The following NEB variants were observed in gnomAD, a reference collection of about 807,000 sequenced individuals.
NEB encodes the protein nemaline myopathy type 2.
Under a neutral mutation model 952.2 loss-of-function variants are expected in NEB, and 512 were observed. That is an observed-to-expected ratio of 0.54 (90% CI 0.50 to 0.58). The LOEUF is 0.58. Ranked by LOEUF, NEB falls within the 20% of genes least tolerant of loss-of-function variation. The probability of loss-of-function intolerance (pLI) is 0.00; values close to 1 mark genes in which losing one functional copy is unlikely to be tolerated. For synonymous variants in NEB, 2,900 were observed against 3,149.8 expected (o/e 0.92, Z 2.66); for missense variants, 8,428 against 9,231.1 (o/e 0.91, Z 3.56).
chr2:151,527,447 G>T, intron 147 of NEB, 34 bp downstream of exon 147: 1 of 1,405,900 alleles, frequency 7.1e-7, no homozygotes, highest in Non-Finnish European at 1.0e-6. Context: ...GGTGCAGTAT[G>T]CAGTTACAAT....
intron 48 of NEB, among the ~76,000 whole-genome samples, chr2:151,656,877 T>C (rs998938839): frequency 1.3e-5 from 2 of 152,060 alleles, no homozygotes; most frequent in African/African-American, 2.4e-5. Flanking sequence ...ACAGAACATT[T>C]CTCTTAATGC....
At chr2:151,490,622 G>T in intron 179 of NEB, 104 bp from the exon 180 acceptor site, 1 of 1,391,290 alleles carries the variant, frequency 7.2e-7, no homozygotes, top group South Asian at 1.3e-5. Context: ...TGCCAAGCAT[G>T]GTTTTAAGTA....
intron 35 of NEB, among the ~76,000 whole-genome samples, 156 bp downstream of exon 35, chr2:151,675,131 A>G (rs770462029): frequency 1.3e-5 from 2 of 152,252 alleles, no homozygotes; most frequent in South Asian, 2.1e-4. Context: ...GAAAAGGCCA[A>G]CTGAAGAGGT....
chr2:151,533,345 T>G, intron 143 of NEB, 97 bp downstream of exon 143: 1 of 782,638 alleles, frequency 1.3e-6, no homozygotes, highest in East Asian at 2.7e-5. Flanking sequence ...GAAGCCAGCA[T>G]GGGCAGGGAG....
At chr2:151,630,902 C>G (rs2098655072) in intron 66 of NEB, 83 bp from the exon 67 acceptor site, 1 of 1,301,522 alleles carries the variant, frequency 7.7e-7, no homozygotes, top group African/African-American at 1.5e-5. Flanking sequence ...TATTACTGAC[C>G]TAATTAGGAA....
chr2:151,643,324 T>C lies in NEB; in HGVS notation c.7986A>G (p.Leu2662=), dbSNP rs931355796. 3.1e-6 allele frequency: 5 copies of C among 1,613,930 alleles called. No individual in the cohort carries two copies. The highest frequency in any genetic ancestry group is 3.4e-6 in the Non-Finnish European group (4 of 1,179,836). ...CACTAGTCATCCAGCCAATGCCTTTTAGCCACTGAAGGTCTGACTTGTACA... is the reference window on the plus strand; with the variant it reads ...CACTAGTCATCCAGCCAATGCCTTTCAGCCACTGAAGGTCTGACTTGTACA... ...DNLYKSDLQW[L]KGIGWMTSGS... is the part of the protein sequence containing the mutation. Residue 2662 remains leucine, a synonymous_variant, in exon 58 of 182, where the codon CTA becomes CTG. Transcript: ENST00000397345.
chr2:151,560,797 T>C, intron 123 of NEB, 98 bp from the exon 124 acceptor site: 1 of 876,534 alleles, frequency 1.1e-6, no homozygotes, highest in Non-Finnish European at 1.8e-6. Flanking sequence ...TCTCACACAC[T>C]CCCTACTAAC....
chr2:151,512,896 C>T (rs755565215), intron 160 of NEB, 59 bp from the exon 161 acceptor site: 32 of 1,196,628 alleles, frequency 2.7e-5, no homozygotes, highest in Admixed American at 9.7e-5. Flanking sequence ...CAGTTGTTGG[C>T]TTGATTTGAT....
intron 142 of NEB, among the ~76,000 whole-genome samples, chr2:151,535,200 A>G (rs1177655788): frequency 6.6e-6 from 1 of 152,224 alleles, no homozygotes; most frequent in Non-Finnish European, 1.5e-5. Context: ...CTGTGCACCA[A>G]TATATGTGGG....
Position 151,562,199 on chromosome 2 carries a change from C to A in NEB, c.18907G>T (p.Asp6303Tyr), listed in dbSNP as rs145031304. 11 of 1,611,352 alleles carry A rather than the reference C, an allele frequency of 6.8e-6. No individual in the cohort carries two copies. The highest frequency in any genetic ancestry group is 1.3e-5 in the African/African-American group (1 of 74,966). ...CCAATGCCTTTCAACCAATTCAGGTCATCTTTATACACATTCTGCAAGAAA... is the reference window on the plus strand; with the variant it reads ...CCAATGCCTTTCAACCAATTCAGGTAATCTTTATACACATTCTGCAAGAAA... ...EILSDNVYKD[D>Y]LNWLKGIGCY... Residue 6303 changes from aspartate (D) to tyrosine (Y), a missense_variant, in exon 121 of 182, where the codon GAC (aspartate) becomes TAC (tyrosine). Asp to Tyr is a radical substitution (Grantham distance 160). Coordinates refer to ENST00000397345, the MANE Select transcript of NEB (RefSeq NM_001164508.2).
chr2:151,507,985 T>TA lies in NEB; in HGVS notation c.23451+19dup. On this transcript the variant is annotated intron_variant, in intron 162 of 181. Transcript: ENST00000397345. The stretch of plus-strand genomic sequence containing the variant: ...CCCTAGGTGCCTGTGGGCTGTGCCT[T>TA]ACATTTAATAAAAACTTACAAGGCT... 6.4e-7 allele frequency: 1 copy of TA among 1,564,046 alleles called. No homozygotes were observed. Among genetic ancestry groups the TA allele is most frequent in the Non-Finnish European group, 8.7e-7 (1 of 1,143,960 alleles).
At chr2:151,658,617 A>G (rs1300550287) in intron 47 of NEB, among the ~76,000 whole-genome samples, 1 of 152,224 alleles carries the variant, frequency 6.6e-6, no homozygotes, top group Non-Finnish European at 1.5e-5. Flanking sequence ...TAAAATATCA[A>G]TACATTTGCA....
At chr2:151,540,608 T>G in intron 137 of NEB, 89 bp downstream of exon 137, 1 of 1,224,630 alleles carries the variant, frequency 8.2e-7, no homozygotes, top group South Asian at 1.3e-5. Flanking sequence ...TTTATAGTAA[T>G]GAGCTCTCTG....
Position 151,575,631 on chromosome 2 carries a change from G to T in NEB, c.17013+64C>A, listed in dbSNP as rs999046628. On this transcript the variant is annotated intron_variant, in intron 107 of 181. Coordinates refer to ENST00000397345, the MANE Select transcript of NEB (RefSeq NM_001164508.2). Reference sequence around the variant, plus strand: ...CGAGTCCATCTTCCCTCCCTTCCATGCTCATAGTATAGCCCTGACTGGGTA... The same window carrying T: ...CGAGTCCATCTTCCCTCCCTTCCATTCTCATAGTATAGCCCTGACTGGGTA... 56 of 1,142,902 alleles carry T rather than the reference G, an allele frequency of 4.9e-5. No homozygotes were observed. The Admixed American group carries it at 1.1e-3, about 22-fold the overall frequency. The allele number at this position is 1,142,902 out of a possible 1,614,324, so 70.8% of individuals were successfully genotyped here.
rs1313846337 is a variant in NEB at position 151,610,511 on chromosome 2, C to T, written c.12018+5G>A. 6.3e-7 allele frequency: 1 copy of T among 1,597,128 alleles called. No homozygotes were observed. On this transcript the variant is annotated splice_donor_5th_base_variant and intron_variant, in intron 80 of 181. Coordinates refer to ENST00000397345, the MANE Select transcript of NEB (RefSeq NM_001164508.2). ...ACCACAGAGAGTTAGATGGAAGGTACTCACGTCACTGGCGATGTCCCTGGA... is the reference window on the plus strand; with the variant it reads ...ACCACAGAGAGTTAGATGGAAGGTATTCACGTCACTGGCGATGTCCCTGGA...
rs558837275 is a variant in NEB, at chr2:151,502,217, A to T, written c.23928+576T>A. On this transcript the variant is annotated intron_variant, in intron 167 of 181. Coordinates refer to ENST00000397345, the MANE Select transcript of NEB (RefSeq NM_001164508.2). The stretch of plus-strand genomic sequence containing the variant: ...GATACAGTGAACTTTGGGGACTTGC[A>T]GGAAAGAGTGGAAGTGAGGCGAGGG... 3.3e-5 allele frequency among the ~76,000 whole-genome samples: 5 copies of T among 152,282 alleles called. No homozygotes were observed. The East Asian group carries it at 9.6e-4, about 29-fold the overall frequency.
Position 151,702,221 on chromosome 2 carries a change from G to A in NEB, c.1153-4573C>T, listed in dbSNP as rs563567747. On this transcript the variant is annotated intron_variant, in intron 13 of 181. Coordinates refer to ENST00000397345, the MANE Select transcript of NEB (RefSeq NM_001164508.2). ...TGAGTTCTAGTTTGATTGCACTGTG[G>A]TCTGAAAGATAGTTTGTTATAATGT... is the stretch of plus-strand genomic sequence containing the variant. Among the ~76,000 whole-genome samples the A allele has an allele frequency of 2.7e-3, 414 of 151,560 alleles. 2 individuals are homozygous for A. Among genetic ancestry groups the A allele is most frequent in the African/African-American group, 9.7e-3 (399 of 41,314 alleles).
At chr2:151,501,834 G>GGAGA (rs1377696563) in intron 167 of NEB, among the ~76,000 whole-genome samples, 1 of 151,712 alleles carries the variant, frequency 6.6e-6, no homozygotes. Context: ...CAAAGAAAGA[G>GGAGA]GAGAGAGAGA....
In NEB at chr2:151,697,149, T is replaced by A; in HGVS notation, c.1469A>T (p.Asp490Val). The change falls in exon 16 of 182, where the codon GAC (aspartate) becomes GTC (valine). Residue 490 changes from aspartate to valine, a missense_variant and splice_region_variant. By Grantham distance (152) the Asp-to-Val change is radical. Transcript: ENST00000397345. ...TCAAAGTTCAGACTACAGACTTACG[T>A]CTTTACACTGATCTAGTTTCTTAAT... is the stretch of plus-strand genomic sequence containing the variant. Reference protein sequence around the residue: ...EAIKKLDQCKDHTYKVHPDKT... With the variant: ...EAIKKLDQCKVHTYKVHPDKT... The A allele has an allele frequency of 1.2e-6, 2 of 1,611,240 alleles. No homozygotes were observed. Among genetic ancestry groups the A allele is most frequent in the Non-Finnish European group, 1.7e-6 (2 of 1,178,086 alleles).
Sources: gnomAD v4.1 joint callset for allele counts (sites outside exome capture counted in the v4.1 genomes callset) on GRCh38, gnomAD v4.1.1 for gene constraint, MANE v1.5 for transcripts, NCBI Gene and HGNC (gene_info 2026-07-23, HGNC 2026-07-21) for gene names.